Variants in NUFIP2 observed in about 807,000 individuals in gnomAD.
NUFIP2 encodes nuclear FMR1 interacting protein 2.
A neutral mutation model predicts 56.9 loss-of-function variants in NUFIP2; 6 were observed. The observed-to-expected ratio is 0.11, with a 90% CI of 0.06 to 0.21. The LOEUF (loss-of-function observed/expected upper bound fraction) is 0.21. Among genes scored for constraint, NUFIP2 ranks in the 10% least tolerant of loss-of-function variants. NUFIP2 has a pLI of 1.00. For missense variants in NUFIP2, 828 were observed against 826.8 expected (o/e 1.00, Z -0.02); for synonymous variants, 321 against 298.2 (o/e 1.08, Z -0.79).
chr17:29,276,637 C>T (rs976601828), intron 2 of NUFIP2, among the ~76,000 whole-genome samples: 10 of 152,104 alleles, frequency 6.6e-5, no homozygotes, highest in African/African-American at 2.4e-4. Flanking sequence ...TGTGCCCAGC[C>T]AACAATAGTA....
At chr17:29,279,764 C>T (rs1238011381) in intron 2 of NUFIP2, among the ~76,000 whole-genome samples, 1 of 152,108 alleles carries the variant, frequency 6.6e-6, no homozygotes, top group Non-Finnish European at 1.5e-5. Context: ...ATTTTCCTGC[C>T]TCACTTCAAA....
intron 2 of NUFIP2, among the ~76,000 whole-genome samples, chr17:29,275,308 G>A (rs2069100974): frequency 6.6e-6 from 1 of 152,128 alleles, no homozygotes; most frequent in Non-Finnish European, 1.5e-5. Context: ...ACAGGCATGA[G>A]CCACCATACC....
At chr17:29,290,401 A>G (rs112368563) in intron 1 of NUFIP2, among the ~76,000 whole-genome samples, 42 of 152,024 alleles carry the variant, frequency 2.8e-4, no homozygotes, top group African/African-American at 8.0e-4. Flanking sequence ...CACATCTGTA[A>G]TCCCAGCACT....
intron 2 of NUFIP2, among the ~76,000 whole-genome samples, chr17:29,267,822 T>C (rs2069047604): frequency 6.6e-6 from 1 of 152,138 alleles, no homozygotes; most frequent in Non-Finnish European, 1.5e-5. Flanking sequence ...CCAGCTAATT[T>C]TTCTTTTTTT....
At position 29,262,195 on chromosome 17, in the gene NUFIP2, CG is replaced by C. The variant is rs1342790542; in HGVS notation, c.*2343del. On this transcript the variant is annotated 3_prime_UTR_variant, in exon 4 of 4. Transcript: ENST00000225388. Reference sequence around the variant, plus strand: ...AGAAAGTTTCTTGTGAGTTGTGAGACGGAAGAACTTTAAAATTCCAGGCAAG... The same window carrying C: ...AGAAAGTTTCTTGTGAGTTGTGAGACGAAGAACTTTAAAATTCCAGGCAAG... 1.4e-4 allele frequency: 22 copies of C among 152,366 alleles called. No homozygotes were observed. Among genetic ancestry groups the C allele is most frequent in the Admixed American group, 1.3e-3 (20 of 15,260 alleles). 9.4% of individuals were successfully genotyped at this position (152,366 alleles called of 1,614,324 possible).
In NUFIP2 at chr17:29,261,841, AAC is replaced by A. The variant is rs1235625872; in HGVS notation, c.*2696_*2697del. ...GGGGCACTAGGGTTCTCAGAAAGTT[AAC>A]AGACATTCCTAACTACATACCTCTA... On this transcript the variant is annotated 3_prime_UTR_variant, in exon 4 of 4. Transcript: ENST00000225388. 6.6e-6 allele frequency: 1 copy of A among 152,594 alleles called. No individual in the cohort carries two copies. Among genetic ancestry groups the A allele is most frequent in the Non-Finnish European group, 1.5e-5 (1 of 68,010 alleles). 9.5% of individuals were successfully genotyped at this position (152,594 alleles called of 1,614,324 possible). A position where few individuals can be genotyped will look rare whatever the true frequency, so the allele number is the denominator to read the frequency against.
At chr17:29,272,029 C>T (rs922067718) in intron 2 of NUFIP2, among the ~76,000 whole-genome samples, 4 of 131,942 alleles carry the variant, frequency 3.0e-5, no homozygotes, top group South Asian at 2.7e-4. Context: ...GCCCAGATCA[C>T]GCCACTGCAC....
At chr17:29,277,470 A>T (rs1022945333) in intron 2 of NUFIP2, among the ~76,000 whole-genome samples, 1 of 152,126 alleles carries the variant, frequency 6.6e-6, no homozygotes, top group Non-Finnish European at 1.5e-5. Context: ...TCCCTTATTA[A>T]GCCATTTTGG....
chr17:29,265,506 G>A (rs1329825159), intron 3 of NUFIP2, among the ~76,000 whole-genome samples: 2 of 147,366 alleles, frequency 1.4e-5, no homozygotes, highest in African/African-American at 2.5e-5. Flanking sequence ...GTTTCACCGT[G>A]TTAGCCAGGA....
chr17:29,270,035 A>T (rs938382623), intron 2 of NUFIP2, among the ~76,000 whole-genome samples: 4 of 152,094 alleles, frequency 2.6e-5, no homozygotes, highest in African/African-American at 9.7e-5. Context: ...TGGCACTTTT[A>T]AAAAATATTT....
intron 2 of NUFIP2, among the ~76,000 whole-genome samples, chr17:29,283,445 C>G (rs1439104259): frequency 6.6e-6 from 1 of 152,128 alleles, no homozygotes; most frequent in Non-Finnish European, 1.5e-5. Context: ...GACAAGTGAT[C>G]CTCCCTCCTA....
chr17:29,281,014 GA>G (rs2069136493), intron 2 of NUFIP2, among the ~76,000 whole-genome samples: 1 of 151,928 alleles, frequency 6.6e-6, no homozygotes, highest in Non-Finnish European at 1.5e-5. Context: ...GAAAAGTTAG[GA>G]CAGGCATGGT....
At chr17:29,278,101 T>C (rs886446752) in intron 2 of NUFIP2, among the ~76,000 whole-genome samples, 1 of 152,166 alleles carries the variant, frequency 6.6e-6, no homozygotes, top group Non-Finnish European at 1.5e-5. Context: ...ACCTTTTCAG[T>C]AGACCCCTTA....
At chr17:29,277,942 G>A (rs2069117350) in intron 2 of NUFIP2, among the ~76,000 whole-genome samples, 1 of 152,120 alleles carries the variant, frequency 6.6e-6, no homozygotes, top group Admixed American at 6.5e-5. Context: ...AACCCAGGAG[G>A]TAGAGGTAGC....
rs1052112296 is a variant in NUFIP2 at position 29,284,341 on chromosome 17, G to C, written c.2002+1651C>G. Among the ~76,000 whole-genome samples the C allele has an allele frequency of 4.2e-4, 64 of 152,148 alleles. 1 individual carries two copies. The highest frequency in any genetic ancestry group is 6.5e-5 in the Admixed American group (1 of 15,270). On this transcript the variant is annotated intron_variant, in intron 2 of 3. Coordinates refer to ENST00000225388, the MANE Select transcript of NUFIP2 (RefSeq NM_020772.3). ...CGTTAAACCTCATTATTTGCTCTAA[G>C]GATTTAGATTACAGTTATGCCATAC...
chr17:29,280,014 C>T (rs1347527924), intron 2 of NUFIP2, among the ~76,000 whole-genome samples: 1 of 152,082 alleles, frequency 6.6e-6, no homozygotes, highest in Non-Finnish European at 1.5e-5. Context: ...GATGGGGTTT[C>T]GTCATGTTGG....
intron 2 of NUFIP2, among the ~76,000 whole-genome samples, chr17:29,278,315 C>T (rs949517955): frequency 3.3e-5 from 5 of 151,958 alleles, no homozygotes; most frequent in African/African-American, 9.7e-5. Context: ...GGCGCGATCT[C>T]GGCTCACTGC....
chr17:29,272,500 G>A (rs901803675), intron 2 of NUFIP2, among the ~76,000 whole-genome samples: 3 of 152,004 alleles, frequency 2.0e-5, no homozygotes, highest in African/African-American at 7.2e-5. Context: ...CTGGCCTCCC[G>A]AAGTGCTGGG....
At chr17:29,279,311 C>T (rs2069126419) in intron 2 of NUFIP2, among the ~76,000 whole-genome samples, 1 of 152,126 alleles carries the variant, frequency 6.6e-6, no homozygotes, top group African/African-American at 2.4e-5. Flanking sequence ...CTTATCTGTT[C>T]CCTTATGCCC....
Sources: allele counts gnomAD v4.1 joint callset (sites outside exome capture counted in the v4.1 genomes callset), GRCh38; gene constraint gnomAD v4.1.1; transcripts MANE v1.5; gene names NCBI Gene and HGNC (gene_info 2026-07-23, HGNC 2026-07-21).